Variants in ADGRL3 observed in about 807,000 individuals in gnomAD.
ADGRL3 encodes the protein adhesion G protein-coupled receptor L3.
A neutral mutation model predicts 153.5 loss-of-function variants in ADGRL3; 62 were observed. The observed-to-expected ratio is 0.40, with a 90% CI of 0.33 to 0.50. The LOEUF (loss-of-function observed/expected upper bound fraction) is 0.50, where lower values mean the gene tolerates loss of function less well. Among genes scored for constraint, ADGRL3 ranks in the 20% least tolerant of loss-of-function variants. The pLI is 0.47. For missense variants in ADGRL3, 1,641 were observed against 1,859.4 expected, an observed-to-expected ratio of 0.88 and a Z score of 2.16; for synonymous variants, 710 against 672.5, an observed-to-expected ratio of 1.06 and a Z score of -0.86.
At position 61,389,628 on chromosome 4, in the gene ADGRL3, C is replaced by T. The variant is rs371971636; in HGVS notation, c.-174+6439C>T. ...AAATTTAAAAAGAAGTTTTGGTTTG[C>T]TATGAGATTATGTTTTCTAATTAAT... On this transcript the variant is annotated intron_variant, in intron 2 of 26. Coordinates refer to ENST00000683033, the MANE Select transcript of ADGRL3 (RefSeq NM_001387552.1). Among the ~76,000 whole-genome samples the T allele has an allele frequency of 1.3e-4, 20 of 152,084 alleles. 1 individual carries two copies. The highest frequency in any genetic ancestry group is 4.8e-4 in the African/African-American group (20 of 41,474).
chr4:61,963,518 G>GT (rs2098995896), intron 17 of ADGRL3, among the ~76,000 whole-genome samples: 1 of 152,048 alleles, frequency 6.6e-6, no homozygotes, highest in Non-Finnish European at 1.5e-5. Flanking sequence ...GCAGTGTTTG[G>GT]TTTTCTCTTC....
intron 9 of ADGRL3, among the ~76,000 whole-genome samples, chr4:61,816,007 A>C: frequency 6.6e-6 from 1 of 152,222 alleles, no homozygotes; most frequent in East Asian, 1.9e-4. Context: ...TTATGACATA[A>C]TTGTTCATCA....
At chr4:61,653,317 A>G (rs1000018349) in intron 5 of ADGRL3, among the ~76,000 whole-genome samples, 10 of 152,152 alleles carry the variant, frequency 6.6e-5, no homozygotes, top group African/African-American at 2.2e-4. Flanking sequence ...AGCTTTCAGA[A>G]CTGTAAGAAA....
intron 8 of ADGRL3, among the ~76,000 whole-genome samples, chr4:61,766,546 T>C (rs1194998954): frequency 2.0e-5 from 3 of 151,964 alleles, no homozygotes; most frequent in Non-Finnish European, 4.4e-5. Flanking sequence ...GTTTGAGAGA[T>C]CAGTCGGACA....
chr4:61,489,355 TAA>T (rs5858705), intron 2 of ADGRL3, among the ~76,000 whole-genome samples: 3 of 148,430 alleles, frequency 2.0e-5, no homozygotes, highest in East Asian at 2.0e-4. Flanking sequence ...TAGCTTAGTT[TAA>T]AAAAAAAAAT....
At chr4:61,909,302 A>G (rs2098710966) in intron 11 of ADGRL3, among the ~76,000 whole-genome samples, 1 of 152,190 alleles carries the variant, frequency 6.6e-6, no homozygotes, top group African/African-American at 2.4e-5. Flanking sequence ...ACCCAAATAG[A>G]TAATTAAGGT....
chr4:61,428,700 A>G (rs1321368326), intron 2 of ADGRL3, among the ~76,000 whole-genome samples: 1 of 152,200 alleles, frequency 6.6e-6, no homozygotes, highest in African/African-American at 2.4e-5. Context: ...TGGCCACTTC[A>G]TGAATACATC....
chr4:61,869,372 G>A (rs1481295995), intron 9 of ADGRL3, among the ~76,000 whole-genome samples: 1 of 152,000 alleles, frequency 6.6e-6, no homozygotes, highest in East Asian at 1.9e-4. Flanking sequence ...GCCGAGGCGG[G>A]TGGATCATGA....
chr4:62,041,868 T>C (rs1340553895), intron 24 of ADGRL3, among the ~76,000 whole-genome samples: 1 of 152,026 alleles, frequency 6.6e-6, no homozygotes, highest in Non-Finnish European at 1.5e-5. Flanking sequence ...CTATATTTGG[T>C]ATAGTGCAGT....
At chr4:61,966,228 G>A (rs971663585) in intron 17 of ADGRL3, among the ~76,000 whole-genome samples, 1 of 151,982 alleles carries the variant, frequency 6.6e-6, no homozygotes, top group Non-Finnish European at 1.5e-5. Flanking sequence ...GCACATAATA[G>A]GTACCCAATA....
intron 1 of ADGRL3, among the ~76,000 whole-genome samples, chr4:61,269,710 T>G (rs1578056195): frequency 6.6e-6 from 1 of 151,864 alleles, no homozygotes; most frequent in East Asian, 1.9e-4. Flanking sequence ...CTAGATCTAT[T>G]ATTTTACAAA....
chr4:61,746,790 T>G (rs1364253725), intron 8 of ADGRL3, among the ~76,000 whole-genome samples: 1 of 151,778 alleles, frequency 6.6e-6, no homozygotes, highest in Non-Finnish European at 1.5e-5. Context: ...ACATCACAAT[T>G]AAAAGAACTA....
chr4:61,640,186 G>C (rs1001625777), intron 5 of ADGRL3, among the ~76,000 whole-genome samples: 1 of 151,658 alleles, frequency 6.6e-6, no homozygotes, highest in African/African-American at 2.4e-5. Flanking sequence ...TTCAACAAGC[G>C]GAATATGGCA....
At chr4:61,239,117 C>A (rs576537186) in intron 1 of ADGRL3, among the ~76,000 whole-genome samples, 1 of 152,182 alleles carries the variant, frequency 6.6e-6, no homozygotes, top group South Asian at 2.1e-4. Context: ...AAAACTACCA[C>A]CAAGCACTGG....
chr4:61,614,627 A>G lies in ADGRL3; in HGVS notation c.473+27187A>G, dbSNP rs113249896. Among the ~76,000 whole-genome samples the G allele has an allele frequency of 9.2e-5, 14 of 152,322 alleles. 1 individual carries two copies. Among genetic ancestry groups the G allele is most frequent in the African/African-American group, 3.1e-4 (13 of 41,574 alleles). On this transcript the variant is annotated intron_variant, in intron 5 of 26. Coordinates refer to ENST00000683033, the MANE Select transcript of ADGRL3 (RefSeq NM_001387552.1). ...TAGAGAAAGAAAATCCAGGATTTCA[A>G]GGAAGGACATATTGTATGTGGAATG...
chr4:61,850,199 C>T (rs2098185084), intron 9 of ADGRL3, among the ~76,000 whole-genome samples: 1 of 152,094 alleles, frequency 6.6e-6, no homozygotes. Flanking sequence ...TGCTAAGCAT[C>T]TTATGCTACT....
chr4:61,693,336 A>T (rs186069934), intron 6 of ADGRL3, among the ~76,000 whole-genome samples: 217 of 152,130 alleles, frequency 1.4e-3, no homozygotes, highest in African/African-American at 4.1e-3. Context: ...GAATAGCTCT[A>T]GCTCCAACCA....
chr4:61,912,280 G>A (rs770912713), intron 12 of ADGRL3, among the ~76,000 whole-genome samples: 3 of 152,012 alleles, frequency 2.0e-5, no homozygotes, highest in Non-Finnish European at 2.9e-5. Context: ...TACATTAACC[G>A]TTTATATTAT....
intron 1 of ADGRL3, among the ~76,000 whole-genome samples, chr4:61,285,115 C>A (rs2093883106): frequency 6.6e-6 from 1 of 151,684 alleles, no homozygotes; most frequent in Admixed American, 6.6e-5. Flanking sequence ...AAAAATACGA[C>A]CCTGGCTTTA....
Sources: gnomAD v4.1 joint callset for allele counts (sites outside exome capture counted in the v4.1 genomes callset) on GRCh38, gnomAD v4.1.1 for gene constraint, MANE v1.5 for transcripts, NCBI Gene and HGNC (gene_info 2026-07-23, HGNC 2026-07-21) for gene names.